Variants in ZNF8 observed in about 807,000 individuals in gnomAD.
ZNF8 encodes zinc finger protein 272.
Under a neutral mutation model 12.2 loss-of-function variants are expected in ZNF8, and 9 were observed. The ratio of observed to expected loss-of-function variants is 0.73; its 90% confidence interval spans 0.44 to 1.28. ZNF8 has a LOEUF of 1.28. Among genes scored for constraint, ZNF8 ranks in the 50% most tolerant of loss-of-function variants. The pLI, the probability that ZNF8 is intolerant of heterozygous loss-of-function variation, is 0.00. For synonymous variants in ZNF8, 274 were observed against 282.3 expected (o/e 0.97, Z 0.30); for missense variants, 664 against 729.1 (o/e 0.91, Z 1.03).
intron 3 of ZNF8, among the ~76,000 whole-genome samples, chr19:58,292,721 G>A (rs897221244): frequency 4.6e-5 from 7 of 152,102 alleles, no homozygotes; most frequent in East Asian, 3.9e-4. Context: ...AATGTTTTCC[G>A]GCTTATCCAT....
intron 3 of ZNF8, among the ~76,000 whole-genome samples, chr19:58,290,174 C>T (rs377308905): frequency 1.9e-3 from 236 of 124,346 alleles, no homozygotes; most frequent in African/African-American, 6.9e-3. Context: ...ACTGCAGTGG[C>T]GCAATCTCGG....
chr19:58,287,914 C>T (rs2051394303), intron 3 of ZNF8, among the ~76,000 whole-genome samples: 1 of 125,504 alleles, frequency 8.0e-6, no homozygotes, highest in South Asian at 2.5e-4. Context: ...GTCCAGGCTG[C>T]AGGCTGCTCA....
In ZNF8 at chr19:58,295,517, A is replaced by T. The variant is rs1225228345; in HGVS notation, c.1709A>T (p.Asp570Val). 3.1e-6 allele frequency: 5 copies of T among 1,600,862 alleles called. No homozygotes were observed. In the African/African-American group the frequency reaches 6.7e-5, roughly 22 times the overall value. ...EPSVGASMLF[D>V]IREST ...TCTGTGGGTGCTTCCATGTTATTTG[A>T]CATCAGAGAATCCACATAGGAGAGA... Residue 570 changes from aspartate (D) to valine (V), a missense_variant, in exon 4 of 4, where the codon GAC becomes GTC. Asp to Val is a radical substitution (Grantham distance 152). Coordinates refer to ENST00000621650, the MANE Select transcript of ZNF8 (RefSeq NM_021089.3).
chr19:58,281,049 C>G (rs764945766), intron 1 of ZNF8, among the ~76,000 whole-genome samples: 10 of 152,148 alleles, frequency 6.6e-5, no homozygotes, highest in Non-Finnish European at 1.3e-4. Context: ...TAGTAATATT[C>G]ACAGGTTCTA....
chr19:58,282,125 A>T (rs2051353861), intron 1 of ZNF8, among the ~76,000 whole-genome samples: 1 of 148,844 alleles, frequency 6.7e-6, no homozygotes, highest in Admixed American at 6.7e-5. Context: ...AATAAAAAAT[A>T]AAAAAATTGA....
intron 3 of ZNF8, among the ~76,000 whole-genome samples, chr19:58,291,879 G>A (rs1203907855): frequency 6.6e-6 from 1 of 152,088 alleles, no homozygotes; most frequent in Admixed American, 6.5e-5. Context: ...CCCCAGGAAG[G>A]AGTATGGGGG....
rs924986284 is a variant in ZNF8, at chr19:58,295,726, G to C, written c.*190G>C. On this transcript the variant is annotated 3_prime_UTR_variant, in exon 4 of 4. Transcript: ENST00000621650. ...TATCAAACTCAGTGCCCTCTTTAGC[G>C]ACATATTTTGTGACATTCCTTCCAT... 8.9e-6 allele frequency: 5 copies of C among 564,170 alleles called. No individual in the cohort carries two copies. Among genetic ancestry groups the C allele is most frequent in the African/African-American group, 7.5e-5 (4 of 53,266 alleles). The allele number at this position is 564,170 out of a possible 1,614,324, so 34.9% of individuals were successfully genotyped here. A position where few individuals can be genotyped will look rare whatever the true frequency, so the allele number is the denominator to read the frequency against.
At chr19:58,291,439 A>G (rs1280286645) in intron 3 of ZNF8, among the ~76,000 whole-genome samples, 4 of 151,980 alleles carry the variant, frequency 2.6e-5, no homozygotes, top group African/African-American at 4.8e-5. Context: ...CCTCCTCCGG[A>G]TGTTCTTCCG....
At chr19:58,282,839 G>T (rs1387122864) in intron 1 of ZNF8, among the ~76,000 whole-genome samples, 1 of 152,018 alleles carries the variant, frequency 6.6e-6, no homozygotes, top group Non-Finnish European at 1.5e-5. Flanking sequence ...TGTTGCCCAG[G>T]CTAGTCACGA....
Position 58,300,888 on chromosome 19 carries a change from T to TA in ZNF8, c.*5354dup, listed in dbSNP as rs2051488273. The TA allele has an allele frequency of 6.6e-6, 1 of 151,404 alleles. No individual in the cohort carries two copies. The highest frequency in any genetic ancestry group is 1.5e-5 in the Non-Finnish European group (1 of 68,192). The allele number at this position is 151,404 out of a possible 1,614,324, so 9.4% of individuals were successfully genotyped here. Reference sequence around the variant, plus strand: ...TCATCCCCAGGACTGTGAAGCCTGCTAACCTCTTTGCAGAGCTCCATCTCC... The same window carrying TA: ...TCATCCCCAGGACTGTGAAGCCTGCTAAACCTCTTTGCAGAGCTCCATCTCC... On this transcript the variant is annotated 3_prime_UTR_variant, in exon 4 of 4. Transcript: ENST00000621650.
chr19:58,289,521 A>G (rs539811220), intron 3 of ZNF8, among the ~76,000 whole-genome samples: 60 of 150,770 alleles, frequency 4.0e-4, no homozygotes, highest in African/African-American at 1.4e-3. Flanking sequence ...AAAAAAGGAC[A>G]GATTTATTTT....
At position 58,295,496 on chromosome 19, in the gene ZNF8, TG is replaced by T. The variant is rs1334007855; in HGVS notation, c.1691del (p.Gly564ValfsTer25). 5 of 1,608,902 alleles carry T rather than the reference TG, an allele frequency of 3.1e-6. No individual in the cohort carries two copies. In the African/African-American group the frequency reaches 5.4e-5, roughly 17 times the overall value. Reference sequence around the variant, plus strand: ...GTTATTGGGGTGGAAGAGCCTTCTGTGGGTGCTTCCATGTTATTTGACATCA... The same window carrying T: ...GTTATTGGGGTGGAAGAGCCTTCTGTGGTGCTTCCATGTTATTTGACATCA... ...VHVIGVEEPSVGASMLFDIRE... is the reference protein window; with the variant it reads ...VHVIGVEEPSXGASMLFDIRE... On this transcript the variant is annotated frameshift_variant, in exon 4 of 4. Transcript: ENST00000621650. LOFTEE classifies it low-confidence loss of function (END_TRUNC).
chr19:58,302,070 C>G lies in ZNF8; in HGVS notation c.*6534C>G, dbSNP rs2051494569. On this transcript the variant is annotated 3_prime_UTR_variant, in exon 4 of 4. Coordinates refer to ENST00000621650, the MANE Select transcript of ZNF8 (RefSeq NM_021089.3). ...AGCTTGAATATTCCTTATCGAAATG[C>G]TTGGGACCAGAAGTGTTTCAGATCT... 1 of 152,096 alleles carries G rather than the reference C, an allele frequency of 6.6e-6. No individual in the cohort carries two copies. The highest frequency in any genetic ancestry group is 6.5e-5 in the Admixed American group (1 of 15,276). The allele number at this position is 152,096 out of a possible 1,614,324, so 9.4% of individuals were successfully genotyped here. A position where few individuals can be genotyped will look rare whatever the true frequency, so the allele number is the denominator to read the frequency against.
In ZNF8 at chr19:58,295,050, G is replaced by C. The variant is rs767966682; in HGVS notation, c.1242G>C (p.Gln414His). 2 of 1,613,948 alleles carry C rather than the reference G, an allele frequency of 1.2e-6. No individual in the cohort carries two copies. The highest frequency in any genetic ancestry group is 1.7e-6 in the Non-Finnish European group (2 of 1,179,992). ...KGFRHSSSLA[Q>H]HQRKHAGEKP... ...TCAGGCACAGCTCATCCCTGGCCCA[G>C]CACCAGCGGAAGCACGCGGGGGAGA... Residue 414 changes from glutamine (Q) to histidine (H), a missense_variant, in exon 4 of 4, where the codon CAG becomes CAC. By Grantham distance (24) the Gln-to-His change is conservative. Coordinates refer to ENST00000621650, the MANE Select transcript of ZNF8 (RefSeq NM_021089.3).
rs1239347788 is a variant in ZNF8, at chr19:58,294,688, T to G, written c.880T>G (p.Phe294Val). ...PYMCKECGKA[F>V]SQNSSLVQHE... is the part of the protein sequence containing the mutation. ...TATGTGCAAGGAGTGTGGGAAAGCC[T>G]TCAGCCAGAACTCCTCCCTCGTCCA... is the stretch of plus-strand genomic sequence containing the variant. Residue 294 changes from phenylalanine (F) to valine (V), a missense_variant, in exon 4 of 4, where the codon TTC becomes GTC. Phe to Val is a conservative substitution (Grantham distance 50, BLOSUM62 -1). Transcript: ENST00000621650. This position sits in a 1 kb window ranked among gnomAD's most constrained non-coding sequence, Gnocchi z 5.5. 1 of 1,614,204 alleles carries G rather than the reference T, an allele frequency of 6.2e-7. No individual in the cohort carries two copies. The highest frequency in any genetic ancestry group is 1.1e-5 in the South Asian group (1 of 91,076).
Position 58,295,221 on chromosome 19 carries a change from G to T in ZNF8, c.1413G>T (p.Gln471His). Residue 471 changes from glutamine (Q) to histidine (H), a missense_variant, in exon 4 of 4, where the codon CAG (glutamine) becomes CAT (histidine). Transcript: ENST00000621650. ...GCGACAGACCCTTCAAATGTAATCA[G>T]TGTGGGAAGTGTTTCATTCAGAGCT... The part of the protein sequence containing the change: ...HRSDRPFKCN[Q>H]CGKCFIQSSH... 1 of 1,614,214 alleles carries T rather than the reference G, an allele frequency of 6.2e-7. No homozygotes were observed. Among genetic ancestry groups the T allele is most frequent in the East Asian group, 2.2e-5 (1 of 44,886 alleles).
rs2051436684 is a variant in ZNF8 at position 58,294,045 on chromosome 19, C to A, written c.290-53C>A. On this transcript the variant is annotated intron_variant, in intron 3 of 3. Transcript: ENST00000621650. This position sits in a 1 kb window ranked among gnomAD's most constrained non-coding sequence, Gnocchi z 5.5. ...AGGCCTATGGTGTTGGAGGCCTGTC[C>A]CCCTTCCGTTTTTTTCTCCCAACAG... is the stretch of plus-strand genomic sequence containing the variant. 3 of 1,515,454 alleles carry A rather than the reference C, an allele frequency of 2.0e-6. No homozygotes were observed. The highest frequency in any genetic ancestry group is 2.6e-5 in the South Asian group (2 of 78,092). 93.9% of individuals were successfully genotyped at this position (1,515,454 alleles called of 1,614,324 possible). A position where few individuals can be genotyped will look rare whatever the true frequency, so the allele number is the denominator to read the frequency against.
rs1280997136 is a variant in ZNF8, at chr19:58,294,453, C to T, written c.645C>T (p.Ser215=). 1.9e-6 allele frequency: 3 copies of T among 1,614,128 alleles called. No homozygotes were observed. Among genetic ancestry groups the T allele is most frequent in the Non-Finnish European group, 2.5e-6 (3 of 1,180,046 alleles). Residue 215 remains serine (S), a synonymous_variant, in exon 4 of 4, where the codon AGC becomes AGT. Coordinates refer to ENST00000621650, the MANE Select transcript of ZNF8 (RefSeq NM_021089.3). The surrounding 1 kb of genome is among the most constrained non-coding windows in gnomAD (Gnocchi z 5.5). The part of the protein sequence containing the change: ...SQITDSEHNS[S]LVSQQTGSPG... ...TTACAGACTCAGAACATAACTCCAG[C>T]TTAGTCAGTCAGCAGACAGGCTCCC...
Position 58,295,391 on chromosome 19 carries a change from C to G in ZNF8, c.1583C>G (p.Ala528Gly). 2 of 1,614,140 alleles carry G rather than the reference C, an allele frequency of 1.2e-6. No individual in the cohort carries two copies. Among genetic ancestry groups the G allele is most frequent in the African/African-American group, 1.3e-5 (1 of 75,046 alleles). The change falls in exon 4 of 4, where the codon GCA becomes GGA. Residue 528 changes from alanine to glycine, a missense_variant. Ala to Gly is a moderately conservative substitution (Grantham distance 60, BLOSUM62 0). Coordinates refer to ENST00000621650, the MANE Select transcript of ZNF8 (RefSeq NM_021089.3). ...TCCAGAAAGAGCTCTGCAGGCGGAG[C>G]AAAGGCAGGGCAGCCGGAAAGCAGA... ...PNSRKSSAGG[A>G]KAGQPESRAL...
Sources: gnomAD v4.1 joint callset for allele counts (sites outside exome capture counted in the v4.1 genomes callset) on GRCh38, gnomAD v4.1.1 for gene constraint, Gnocchi (gnomAD v3.1) non-coding constraint, MANE v1.5 for transcripts, NCBI Gene and HGNC (gene_info 2026-07-23, HGNC 2026-07-21) for gene names.